The following SRGAP2C variants were observed in gnomAD, a reference collection of about 807,000 sequenced individuals.
SRGAP2C encodes the protein SLIT-ROBO Rho GTPase activating protein 2C.
In SRGAP2C, 15 loss-of-function variants were observed where a neutral mutation model predicts 25.1. That is an observed-to-expected ratio of 0.60 (90% confidence interval 0.40 to 0.92). The LOEUF is 0.92. SRGAP2C is among the 40% of genes least tolerant of loss of function. SRGAP2C has a pLI of 0.00. For missense variants in SRGAP2C, 144 were observed against 264.4 expected (o/e 0.54, Z 3.16); for synonymous variants, 44 against 96.6 (o/e 0.46, Z 3.19).
intron 2 of SRGAP2C, among the ~76,000 whole-genome samples, chr1:121,206,317 G>T (rs1192004441): frequency 6.6e-6 from 1 of 152,112 alleles, no homozygotes; most frequent in African/African-American, 2.4e-5. Flanking sequence ...GTTTGCATGT[G>T]GTAGGCACCC....
chr1:121,211,727 GA>G (rs1315697751), intron 2 of SRGAP2C, among the ~76,000 whole-genome samples: 1 of 148,520 alleles, frequency 6.7e-6, no homozygotes. Flanking sequence ...CAGTTTAAAT[GA>G]ATAGGTTTCC....
At chr1:121,249,546 CTATATATATATA>C (rs1181025618) in intron 2 of SRGAP2C, among the ~76,000 whole-genome samples, 809 of 40,102 alleles carry the variant, frequency 0.02, 30 homozygotes, top group Middle Eastern at 0.045. Context: ...TGAACATGGA[CTATATATATATA>C]TATATATATA....
chr1:121,362,896 G>A (rs1465664726), intron 4 of SRGAP2C: 1 of 138,674 alleles, frequency 7.2e-6, no homozygotes, highest in African/African-American at 2.8e-5. Flanking sequence ...ACCCTGGAAT[G>A]ATAAATTTAA....
At chr1:121,204,196 A>T (rs1570702517) in intron 2 of SRGAP2C, among the ~76,000 whole-genome samples, 2 of 149,896 alleles carry the variant, frequency 1.3e-5, no homozygotes, top group East Asian at 4.1e-4. Flanking sequence ...TAATGGCAAG[A>T]TTGTACATTA....
At chr1:121,336,445 TC>T (rs1170650734) in intron 4 of SRGAP2C, among the ~76,000 whole-genome samples, 45 of 106,052 alleles carry the variant, frequency 4.2e-4, no homozygotes, top group Admixed American at 1.8e-3. Flanking sequence ...TCTCTCTCCC[TC>T]CCCCCCTTCC....
intron 3 of SRGAP2C, chr1:121,315,017 T>A (rs1658064522): frequency 5.8e-6 from 6 of 1,037,894 alleles, no homozygotes; most frequent in Non-Finnish European, 8.5e-6. Context: ...CAACAGCTGT[T>A]ATCTTCAGCT....
chr1:121,336,452 C>T (rs1267257696), intron 4 of SRGAP2C, among the ~76,000 whole-genome samples: 1 of 118,912 alleles, frequency 8.4e-6, no homozygotes, highest in East Asian at 2.8e-4. Context: ...CCCTCCCCCC[C>T]TTCCTTCTCC....
At chr1:121,218,644 G>A (rs1655454375) in intron 2 of SRGAP2C, among the ~76,000 whole-genome samples, 1 of 149,842 alleles carries the variant, frequency 6.7e-6, no homozygotes, top group African/African-American at 2.5e-5. Flanking sequence ...CTACTCGGGA[G>A]GCTAAGGCAC....
intron 5 of SRGAP2C, among the ~76,000 whole-genome samples, chr1:121,370,560 G>T (rs1297793868): frequency 6.2e-5 from 9 of 145,094 alleles, no homozygotes; most frequent in South Asian, 2.2e-4. Flanking sequence ...TCCTGCCTCA[G>T]CCTCCCGAGT....
At chr1:121,239,938 G>A (rs1290231927) in intron 2 of SRGAP2C, among the ~76,000 whole-genome samples, 3 of 150,788 alleles carry the variant, frequency 2.0e-5, no homozygotes, top group Non-Finnish European at 4.5e-5. Context: ...AATGGTAGGA[G>A]ACAAGAGTAT....
intron 3 of SRGAP2C, among the ~76,000 whole-genome samples, chr1:121,314,237 A>G (rs1275400831): frequency 7.3e-6 from 1 of 137,484 alleles, no homozygotes; most frequent in African/African-American, 2.8e-5. Flanking sequence ...AGGCTTCTGC[A>G]TTCTTCACGT....
At chr1:121,287,714 A>G (rs1213097321) in intron 3 of SRGAP2C, among the ~76,000 whole-genome samples, 6 of 152,302 alleles carry the variant, frequency 3.9e-5, no homozygotes, top group Non-Finnish European at 7.3e-5. Flanking sequence ...GGTGAGTGTT[A>G]CAGCTCTTAA....
chr1:121,372,879 G>GCACACA (rs199523525), intron 5 of SRGAP2C, among the ~76,000 whole-genome samples: 1 of 63,200 alleles, frequency 1.6e-5, no homozygotes, highest in Middle Eastern at 6.1e-3. Context: ...ACACACACAT[G>GCACACA]CACACACACA....
chr1:121,264,767 A>G (rs587607954), intron 2 of SRGAP2C, among the ~76,000 whole-genome samples: 3 of 142,580 alleles, frequency 2.1e-5, no homozygotes, highest in African/African-American at 5.1e-5. Flanking sequence ...TTACATTGCA[A>G]TTACTTCTTA....
chr1:121,204,449 G>A (rs1655066116), intron 2 of SRGAP2C, among the ~76,000 whole-genome samples: 1 of 149,624 alleles, frequency 6.7e-6, no homozygotes, highest in South Asian at 2.1e-4. Context: ...CAGTAGAGAC[G>A]GGGTTTCACT....
intron 2 of SRGAP2C, among the ~76,000 whole-genome samples, chr1:121,206,204 G>GCTCCTTCC (rs1387312956): frequency 6.6e-6 from 1 of 151,416 alleles, no homozygotes; most frequent in Admixed American, 6.6e-5. Context: ...CCACCCCCAT[G>GCTCCTTCC]CTCCTTCCCC....
intron 4 of SRGAP2C, among the ~76,000 whole-genome samples, chr1:121,334,646 C>T (rs1416690144): frequency 6.8e-6 from 1 of 146,538 alleles, no homozygotes; most frequent in African/African-American, 2.5e-5. Context: ...CTTTATTTGG[C>T]TGCTTCCAAT....
chr1:121,258,016 A>C (rs1219149142), intron 2 of SRGAP2C, among the ~76,000 whole-genome samples: 1 of 151,118 alleles, frequency 6.6e-6, no homozygotes, highest in Non-Finnish European at 1.5e-5. Context: ...GGTGGAGTGA[A>C]GAAAATTGCC....
chr1:121,302,341 C>T (rs1553339005), intron 3 of SRGAP2C, among the ~76,000 whole-genome samples: 552 of 152,340 alleles, frequency 3.6e-3, no homozygotes, highest in Middle Eastern at 6.8e-3. Context: ...TAATGTTAGA[C>T]TCACAGAAAA....
Sources: gnomAD v4.1 joint callset for allele counts (sites outside exome capture counted in the v4.1 genomes callset) on GRCh38, gnomAD v4.1.1 for gene constraint, MANE v1.5 for transcripts, NCBI Gene and HGNC (gene_info 2026-07-23, HGNC 2026-07-21) for gene names.